The following PP2D1 variants were observed in gnomAD, a reference collection of about 807,000 sequenced individuals.
PP2D1 encodes protein phosphatase 2C like domain containing 1, also known as protein phosphatase 2C-like domain-containing protein 1.
A neutral mutation model predicts 30.2 loss-of-function variants in PP2D1; 25 were observed. The observed-to-expected ratio is 0.83, with a 90% confidence interval of 0.60 to 1.16. PP2D1 has a LOEUF of 1.16. PP2D1 is among the 50% of genes most tolerant of loss of function. The pLI, the probability that PP2D1 is intolerant of heterozygous loss-of-function variation, is 0.00. For missense variants in PP2D1, 760 were observed against 742.4 expected, an observed-to-expected ratio of 1.02 and a Z score of -0.28; for synonymous variants, 260 against 258.9, an observed-to-expected ratio of 1.00 and a Z score of -0.04.
In PP2D1 at chr3:20,001,757, A is replaced by G. The variant is rs1180703843; in HGVS notation, c.363T>C (p.Phe121=). Residue 121 remains phenylalanine, a synonymous_variant, in exon 2 of 3, where the codon TTT becomes TTC. Transcript: ENST00000389050. ...QFMISKLLSS[F]MFTEKTLQSI... ...TCTGTAGGGTTTTTTCAGTGAACAT[A>G]AAAGATGACAATAGTTTAGAAATCA... 3.3e-6 allele frequency: 5 copies of G among 1,532,430 alleles called. No homozygotes were observed. The South Asian group carries it at 6.0e-5, about 18-fold the overall frequency. 94.9% of individuals were successfully genotyped at this position (1,532,430 alleles called of 1,614,324 possible).
At chr3:20,005,682 G>A (rs1165545255) in intron 1 of PP2D1, among the ~76,000 whole-genome samples, 1 of 151,934 alleles carries the variant, frequency 6.6e-6, no homozygotes, top group Non-Finnish European at 1.5e-5. Flanking sequence ...AGTTAGATAA[G>A]AAATTAACCC....
intron 2 of PP2D1, among the ~76,000 whole-genome samples, chr3:19,989,945 TTTTTA>T (rs2125138636): frequency 6.6e-6 from 1 of 152,338 alleles, no homozygotes; most frequent in East Asian, 1.9e-4. Flanking sequence ...AAACAGGTTA[TTTTTA>T]TTTTAGTTAC....
Position 20,012,261 on chromosome 3 carries a change from G to A in PP2D1, c.-189C>T, listed in dbSNP as rs959775042. On this transcript the variant is annotated 5_prime_UTR_variant, in exon 1 of 3. Transcript: ENST00000389050. ...ACTTGATGGTAGAGCTCCCTGTGTGGAATGTTCACTACATCACCTGGAACC... is the reference window on the plus strand; with the variant it reads ...ACTTGATGGTAGAGCTCCCTGTGTGAAATGTTCACTACATCACCTGGAACC... The A allele has an allele frequency of 1.6e-6, 1 of 607,800 alleles. No individual in the cohort carries two copies. Among genetic ancestry groups the A allele is most frequent in the South Asian group, 2.0e-5 (1 of 49,650 alleles). The allele number at this position is 607,800 out of a possible 1,614,324, so 37.7% of individuals were successfully genotyped here.
At chr3:19,999,004 C>T (rs934548419) in intron 2 of PP2D1, among the ~76,000 whole-genome samples, 2 of 151,896 alleles carry the variant, frequency 1.3e-5, no homozygotes, top group Admixed American at 6.6e-5. Context: ...CAGTTTAACA[C>T]CATTGTATAG....
downstream of PP2D1, chr3:19,984,071 TA>T (rs1337249900): frequency 9.1e-6 from 4 of 438,990 alleles, no homozygotes; most frequent in Admixed American, 3.9e-5. Flanking sequence ...ATTGGAAGGT[TA>T]GGGGGAATAA....
Position 19,988,983 on chromosome 3 carries a change from C to CA in PP2D1, c.1091-2802dup, listed in dbSNP as rs555027344. 5.6e-3 allele frequency among the ~76,000 whole-genome samples: 831 copies of CA among 148,350 alleles called. 4 individuals are homozygous for CA. The highest frequency in any genetic ancestry group is 9.6e-3 in the Non-Finnish European group (644 of 66,998). On this transcript the variant is annotated intron_variant, in intron 2 of 2. Transcript: ENST00000389050. ...CCTGGGTGACAAAGCAAGACTCTCTCAAAAAAAAACAAAAAAGGTTGAGGT... is the reference window on the plus strand; with the variant it reads ...CCTGGGTGACAAAGCAAGACTCTCTCAAAAAAAAAACAAAAAAGGTTGAGGT...
At chr3:19,984,788 C>T (rs1265262619), downstream of PP2D1, 1 of 153,010 alleles carries the variant, frequency 6.5e-6, no homozygotes, top group Non-Finnish European at 1.5e-5. Flanking sequence ...TAAAAGCATA[C>T]AAAATGTACT....
At chr3:19,987,773 G>T (rs1022253128) in intron 2 of PP2D1, among the ~76,000 whole-genome samples, 7 of 152,170 alleles carry the variant, frequency 4.6e-5, no homozygotes, top group Non-Finnish European at 8.8e-5. Context: ...TTAGTCGGGC[G>T]TTGTTGCGGG....
intron 2 of PP2D1, among the ~76,000 whole-genome samples, chr3:19,997,082 C>T (rs1311769659): frequency 6.6e-6 from 1 of 151,500 alleles, no homozygotes; most frequent in Non-Finnish European, 1.5e-5. Context: ...GAAGAAAGGC[C>T]CTGCTATGGT....
exon 4 of PP2D1, chr3:19,979,992 C>G (rs1289571341): frequency 6.6e-6 from 1 of 152,214 alleles, no homozygotes; most frequent in African/African-American, 2.4e-5. Flanking sequence ...TTATTTTTCA[C>G]TAGGTGACAG....
intron 1 of PP2D1, among the ~76,000 whole-genome samples, chr3:20,003,193 T>TA (rs1178703980): frequency 3.3e-4 from 50 of 149,866 alleles, no homozygotes; most frequent in South Asian, 2.1e-3. Context: ...CTCCTTATAT[T>TA]AAAAAAAAAA....
chr3:20,004,841 T>G (rs1169957242), intron 1 of PP2D1, among the ~76,000 whole-genome samples: 3 of 152,196 alleles, frequency 2.0e-5, no homozygotes, highest in African/African-American at 7.2e-5. Flanking sequence ...GTGCAGTGGC[T>G]CATACCTATA....
chr3:20,001,415 A>G lies in PP2D1; in HGVS notation c.705T>C (p.Asp235=). ...CATCAGTTGTCATTTGGTAAGAAGGATCAAATTTGGAAAGCTGATGGAGAA... is the reference window on the plus strand; with the variant it reads ...CATCAGTTGTCATTTGGTAAGAAGGGTCAAATTTGGAAAGCTGATGGAGAA... ...VLLLHQLSKF[D]PSYQMTTDEQ... Residue 235 remains aspartate, a synonymous_variant, in exon 2 of 3, where the codon GAT becomes GAC. Coordinates refer to ENST00000389050, the MANE Select transcript of PP2D1 (RefSeq NM_001252657.2). The G allele has an allele frequency of 6.5e-7, 1 of 1,536,646 alleles. No homozygotes were observed. The highest frequency in any genetic ancestry group is 8.7e-7 in the Non-Finnish European group (1 of 1,147,012).
At position 19,985,364 on chromosome 3, in the gene PP2D1, T is replaced by C. The variant is rs540843069; in HGVS notation, c.*16A>G. ...CTTTATATTTTGGTGCTCTGGATAA[T>C]TGGAACTTTATTTTTTTATGTCAGA... On this transcript the variant is annotated 3_prime_UTR_variant, in exon 3 of 3. Transcript: ENST00000389050. The C allele has an allele frequency of 6.7e-7, 1 of 1,499,528 alleles. No homozygotes were observed. The highest frequency in any genetic ancestry group is 1.3e-5 in the South Asian group (1 of 79,820). The allele number at this position is 1,499,528 out of a possible 1,614,324, so 92.9% of individuals were successfully genotyped here.
Position 20,001,682 on chromosome 3 carries a change from G to C in PP2D1, c.438C>G (p.Tyr146Ter). The C allele has an allele frequency of 2.6e-6, 4 of 1,535,010 alleles. No individual in the cohort carries two copies. Among genetic ancestry groups the C allele is most frequent in the Non-Finnish European group, 3.5e-6 (4 of 1,146,466 alleles). The change falls in exon 2 of 3, where the codon TAC (tyrosine) becomes TAG (stop). Residue 146 changes from tyrosine (Y) to a stop codon, truncating the protein, a stop_gained. Transcript: ENST00000389050. LOFTEE classifies it high-confidence loss of function. ...TGTCAATGTTATCAAAAATCTTATA[G>C]TATGCTGGTATTTGTTTTTTCCAAA... Reference protein sequence around the residue: ...ELLWKKQIPAYYKIFDNIDRS... With the variant: ...ELLWKKQIPA
rs144258166 is a variant in PP2D1, at chr3:20,009,427, C to G, written c.23+2623G>C. 2.2e-4 allele frequency among the ~76,000 whole-genome samples: 33 copies of G among 152,206 alleles called. No individual in the cohort carries two copies. The East Asian group carries it at 6.0e-3, about 28-fold the overall frequency. ...AGTGAGCTATGACAGTGCCACAATA[C>G]TCTAGCCTGGGTGACAGACTGAGAC... is the stretch of plus-strand genomic sequence containing the variant. On this transcript the variant is annotated intron_variant, in intron 1 of 2. Transcript: ENST00000389050.
At chr3:19,994,411 A>C (rs1697152929) in intron 2 of PP2D1, among the ~76,000 whole-genome samples, 1 of 152,320 alleles carries the variant, frequency 6.6e-6, no homozygotes, top group African/African-American at 2.4e-5. Flanking sequence ...TGGGAGGATC[A>C]CTTGAGTCCA....
chr3:19,992,661 A>G (rs902174568), intron 2 of PP2D1, among the ~76,000 whole-genome samples: 3 of 152,204 alleles, frequency 2.0e-5, no homozygotes, highest in Admixed American at 6.5e-5. Context: ...GAAAGCTAGT[A>G]CTGTTCATTT....
intron 1 of PP2D1, among the ~76,000 whole-genome samples, chr3:20,004,301 G>T (rs1697291225): frequency 6.6e-6 from 1 of 152,192 alleles, no homozygotes; most frequent in Non-Finnish European, 1.5e-5. Flanking sequence ...TATAGCCCAG[G>T]TGTTAGTAGG....
Sources: gnomAD v4.1 joint callset for allele counts (sites outside exome capture counted in the v4.1 genomes callset) on GRCh38, gnomAD v4.1.1 for gene constraint, MANE v1.5 for transcripts, NCBI Gene and HGNC (gene_info 2026-07-23, HGNC 2026-07-21) for gene names.